C12orf42: variants seen among roughly 807,000 people sequenced by gnomAD.
C12orf42 encodes the protein chromosome 12 open reading frame 42.
C12orf42 carries 25 observed loss-of-function variants against 21.6 expected under a neutral mutation model. The ratio of observed to expected loss-of-function variants is 1.16; its 90% CI spans 0.84 to 1.62. The LOEUF (loss-of-function observed/expected upper bound fraction) is 1.62. C12orf42 is among the 40% of genes most tolerant of loss of function. C12orf42 has a pLI of 0.00. For missense variants in C12orf42, 483 were observed against 459.3 expected (o/e 1.05, Z -0.47); for synonymous variants, 174 against 175.0 (o/e 0.99, Z 0.05).
chr12:103,324,220 C>T (rs747109117), intron 4 of C12orf42, among the ~76,000 whole-genome samples: 4 of 152,068 alleles, frequency 2.6e-5, no homozygotes, highest in Non-Finnish European at 5.9e-5. Flanking sequence ...TATGTTGTAA[C>T]ATTTAGAGCC....
downstream of C12orf42, among the ~76,000 whole-genome samples, chr12:103,233,298 C>G (rs2033362220): frequency 6.6e-6 from 1 of 152,100 alleles, no homozygotes; most frequent in South Asian, 2.1e-4. Flanking sequence ...ATCATGCGGG[C>G]TATTTTGCGT....
the C12orf42 span, among the ~76,000 whole-genome samples, chr12:103,544,957 C>T: frequency 6.6e-6 from 1 of 152,192 alleles, no homozygotes. Context: ...TCTCTCCTTA[C>T]ACTTCCCACT....
At chr12:103,324,732 C>T (rs1016098484) in intron 4 of C12orf42, among the ~76,000 whole-genome samples, 3 of 152,136 alleles carry the variant, frequency 2.0e-5, no homozygotes, top group Admixed American at 1.3e-4. Context: ...ATCTCCATTT[C>T]GGTTCTTACA....
At chr12:103,244,552 GAAA>G (rs764898439) in intron 10 of C12orf42, among the ~76,000 whole-genome samples, 1 of 101,272 alleles carries the variant, frequency 9.9e-6, no homozygotes. Flanking sequence ...AGCATTCTTT[GAAA>G]AAAAAAAAAA....
chr12:103,554,897 G>A, the C12orf42 span, among the ~76,000 whole-genome samples: 1 of 152,146 alleles, frequency 6.6e-6, no homozygotes, highest in Non-Finnish European at 1.5e-5. Flanking sequence ...GATGTGGGTG[G>A]GGACACAGAG....
chr12:103,455,182 A>G (rs1337656501), intron 2 of C12orf42, among the ~76,000 whole-genome samples: 2 of 152,164 alleles, frequency 1.3e-5, no homozygotes, highest in Admixed American at 6.6e-5. Flanking sequence ...CAAAGTGGCT[A>G]TATAGAGAGT....
intron 2 of C12orf42, among the ~76,000 whole-genome samples, chr12:103,450,779 C>A (rs1252529902): frequency 6.6e-6 from 1 of 152,038 alleles, no homozygotes; most frequent in African/African-American, 2.4e-5. Flanking sequence ...TTCATCACAG[C>A]CTAGGTTTCT....
At chr12:103,243,807 C>T (rs2033877120) in intron 10 of C12orf42, among the ~76,000 whole-genome samples, 1 of 152,026 alleles carries the variant, frequency 6.6e-6, no homozygotes, top group Non-Finnish European at 1.5e-5. Context: ...TGGATGTTGT[C>T]CATGGCAGTG....
chr12:103,190,065 G>C, the C12orf42 span, among the ~76,000 whole-genome samples: 2 of 152,104 alleles, frequency 1.3e-5, no homozygotes, highest in African/African-American at 4.8e-5. Context: ...CCCATCATAG[G>C]AGTCTGCAAA....
chr12:103,206,229 A>G, the C12orf42 span, among the ~76,000 whole-genome samples: 1 of 152,224 alleles, frequency 6.6e-6, no homozygotes, highest in African/African-American at 2.4e-5. Flanking sequence ...TGATGGAACC[A>G]CTGTGAACTG....
At chr12:103,507,790 A>G in the C12orf42 span, among the ~76,000 whole-genome samples, 1 of 152,174 alleles carries the variant, frequency 6.6e-6, no homozygotes, top group Non-Finnish European at 1.5e-5. Flanking sequence ...GGCATCAGGC[A>G]TAACCATTAA....
intron 4 of C12orf42, among the ~76,000 whole-genome samples, chr12:103,366,035 G>A (rs540101552): frequency 1.3e-5 from 2 of 152,138 alleles, no homozygotes; most frequent in South Asian, 4.2e-4. Context: ...AACAAATCTG[G>A]AAGCATTACA....
the C12orf42 span, among the ~76,000 whole-genome samples, chr12:103,132,216 T>A: frequency 6.6e-6 from 1 of 152,120 alleles, no homozygotes; most frequent in African/African-American, 2.4e-5. Context: ...GTAATCACAT[T>A]TCCAATAGAT....
intron 2 of C12orf42, among the ~76,000 whole-genome samples, chr12:103,420,558 C>T (rs2049795208): frequency 6.7e-6 from 1 of 149,408 alleles, no homozygotes; most frequent in African/African-American, 2.5e-5. Flanking sequence ...TTTCATGTTT[C>T]TTTTTTTTTT....
the C12orf42 span, among the ~76,000 whole-genome samples, chr12:103,147,503 C>CTTTTTTTTTTTTT: frequency 2.6e-4 from 26 of 99,938 alleles, no homozygotes; most frequent in Non-Finnish European, 4.1e-4. Flanking sequence ...CTTTTTTTTT[C>CTTTTTTTTTTTTT]TTTTTTTTTT....
At chr12:103,318,008 A>G (rs1268960000) in intron 4 of C12orf42, among the ~76,000 whole-genome samples, 1 of 152,180 alleles carries the variant, frequency 6.6e-6, no homozygotes, top group African/African-American at 2.4e-5. Context: ...TTTTGTTTTA[A>G]TATTACCAAC....
At chr12:103,194,713 G>A in the C12orf42 span, among the ~76,000 whole-genome samples, 1 of 152,132 alleles carries the variant, frequency 6.6e-6, no homozygotes, top group South Asian at 2.1e-4. Context: ...CGAATTGGAA[G>A]AATTAATATT....
At chr12:103,440,592 T>C (rs764156608) in intron 2 of C12orf42, among the ~76,000 whole-genome samples, 9 of 152,094 alleles carry the variant, frequency 5.9e-5, no homozygotes, top group African/African-American at 1.7e-4. Flanking sequence ...AATAGTCTTG[T>C]TGAGTGTTTT....
At chr12:103,368,456 G>A (rs1049354414) in intron 4 of C12orf42, among the ~76,000 whole-genome samples, 1 of 151,912 alleles carries the variant, frequency 6.6e-6, no homozygotes, top group Non-Finnish European at 1.5e-5. Flanking sequence ...TAGATTCCAG[G>A]GGTGAACATA....
Sources: gnomAD v4.1 joint callset for allele counts (sites outside exome capture counted in the v4.1 genomes callset) on GRCh38, gnomAD v4.1.1 for gene constraint, MANE v1.5 for transcripts, NCBI Gene and HGNC (gene_info 2026-07-23, HGNC 2026-07-21) for gene names.